The following ZNF385D variants were observed in gnomAD, a reference collection of about 807,000 sequenced individuals.
ZNF385D encodes the protein zinc finger protein 385D, also known as zinc finger protein 659.
In ZNF385D, 15 loss-of-function variants were observed where a neutral mutation model predicts 35.8. The ratio of observed to expected loss-of-function variants is 0.42; its 90% confidence interval spans 0.28 to 0.64. The LOEUF (loss-of-function observed/expected upper bound fraction) is 0.64. Among genes scored for constraint, ZNF385D ranks in the 30% least tolerant of loss-of-function variants. ZNF385D has a pLI of 0.23. For missense variants in ZNF385D, 474 were observed against 494.6 expected, an observed-to-expected ratio of 0.96 and a Z score of 0.39; for synonymous variants, 212 against 186.8, an observed-to-expected ratio of 1.13 and a Z score of -1.10.
intron 2 of ZNF385D, among the ~76,000 whole-genome samples, chr3:22,312,522 C>A (rs1284797821): frequency 6.6e-6 from 1 of 151,828 alleles, no homozygotes; most frequent in Non-Finnish European, 1.5e-5. Flanking sequence ...GGGCTAATAT[C>A]CAGAATCTAC....
At chr3:21,599,761 T>TCCTC (rs1426504298) in intron 2 of ZNF385D, among the ~76,000 whole-genome samples, 1 of 152,156 alleles carries the variant, frequency 6.6e-6, no homozygotes, top group South Asian at 2.1e-4. Context: ...GACCCTTCCT[T>TCCTC]CCTCCCTCCC....
chr3:21,751,439 G>A, upstream of ZNF385D: 1 of 990,386 alleles, frequency 1.0e-6, no homozygotes, highest in Non-Finnish European at 1.2e-6. Flanking sequence ...CCACTGTGCA[G>A]GAGGGACGTG....
chr3:21,425,301 C>G (rs1700968110), intron 6 of ZNF385D, among the ~76,000 whole-genome samples, 191 bp downstream of exon 6: 1 of 151,848 alleles, frequency 6.6e-6, no homozygotes, highest in Non-Finnish European at 1.5e-5. Flanking sequence ...CCTCAAGTAA[C>G]TAAAATAAGT....
chr3:22,279,336 C>G (rs983067973), intron 2 of ZNF385D, among the ~76,000 whole-genome samples: 3 of 151,818 alleles, frequency 2.0e-5, no homozygotes, highest in African/African-American at 7.3e-5. Flanking sequence ...TTAGCTTCTA[C>G]TTATGAGTAA....
intron 3 of ZNF385D, among the ~76,000 whole-genome samples, chr3:21,984,846 C>T (rs1168992932): frequency 2.3e-5 from 3 of 129,742 alleles, no homozygotes; most frequent in Non-Finnish European, 3.4e-5. Context: ...TTTCCTTGAG[C>T]AGTGGTTTGT....
At chr3:21,492,971 A>C (rs1705548039) in intron 4 of ZNF385D, among the ~76,000 whole-genome samples, 1 of 151,996 alleles carries the variant, frequency 6.6e-6, no homozygotes, top group African/African-American at 2.4e-5. Context: ...GCATTATATC[A>C]TTATTCCAGT....
At chr3:21,456,432 T>C (rs55941003) in intron 4 of ZNF385D, among the ~76,000 whole-genome samples, 42,092 of 152,058 alleles carry the variant, frequency 0.28, 6,459 homozygotes, top group East Asian at 0.42. Context: ...TCATGTCCTT[T>C]GTAGGGACAT....
chr3:22,248,190 T>C (rs1023120338), intron 2 of ZNF385D, among the ~76,000 whole-genome samples: 18 of 152,148 alleles, frequency 1.2e-4, no homozygotes, highest in African/African-American at 4.3e-4. Context: ...CTGTCAACCA[T>C]TCACTTTGCT....
chr3:21,884,246 T>C (rs1424698713), intron 3 of ZNF385D, among the ~76,000 whole-genome samples: 3 of 152,070 alleles, frequency 2.0e-5, no homozygotes, highest in African/African-American at 4.8e-5. Flanking sequence ...ACCCAGAATG[T>C]TGTTAAACTG....
intron 2 of ZNF385D, among the ~76,000 whole-genome samples, chr3:22,263,014 C>T (rs1360833050): frequency 1.3e-5 from 2 of 151,978 alleles, no homozygotes; most frequent in African/African-American, 4.8e-5. Flanking sequence ...AATGACATCT[C>T]TTAATCTAAC....
chr3:21,979,114 A>G (rs1322790739), intron 3 of ZNF385D, among the ~76,000 whole-genome samples: 1 of 152,066 alleles, frequency 6.6e-6, no homozygotes, highest in Non-Finnish European at 1.5e-5. Context: ...TTCAATGGTG[A>G]CCCTGACCAA....
intron 2 of ZNF385D, among the ~76,000 whole-genome samples, chr3:22,333,350 T>G (rs1006918728): frequency 1.1e-4 from 16 of 152,210 alleles, no homozygotes; most frequent in African/African-American, 3.6e-4. Context: ...CCATCATTAT[T>G]TCTTCACACA....
intron 1 of ZNF385D, among the ~76,000 whole-genome samples, chr3:21,701,647 G>C (rs2067687459): frequency 6.6e-6 from 1 of 152,106 alleles, no homozygotes; most frequent in South Asian, 2.1e-4. Flanking sequence ...CTGAGACAAA[G>C]CAAGTGCCTT....
chr3:21,908,179 T>C (rs943145047), intron 3 of ZNF385D, among the ~76,000 whole-genome samples: 7 of 151,614 alleles, frequency 4.6e-5, no homozygotes, highest in African/African-American at 1.5e-4. Flanking sequence ...TCTATATATG[T>C]ATAAAGGATT....
intron 3 of ZNF385D, among the ~76,000 whole-genome samples, chr3:22,163,704 T>C (rs545387992): frequency 6.6e-6 from 1 of 152,332 alleles, no homozygotes; most frequent in African/African-American, 2.4e-5. Flanking sequence ...AAGTACCTGT[T>C]TGGATAAATT....
chr3:21,636,870 ATG>A (rs1371720613), intron 2 of ZNF385D, among the ~76,000 whole-genome samples: 1 of 151,432 alleles, frequency 6.6e-6, no homozygotes, highest in Non-Finnish European at 1.5e-5. Flanking sequence ...AGCTTTTTTT[ATG>A]TGTTTTTTGG....
chr3:21,715,549 G>T (rs2068283871), intron 1 of ZNF385D, among the ~76,000 whole-genome samples: 1 of 152,064 alleles, frequency 6.6e-6, no homozygotes, highest in Non-Finnish European at 1.5e-5. Context: ...GAATAGTGCT[G>T]CAAGAAACAT....
chr3:21,748,757 C>T (rs62236194), intron 1 of ZNF385D, among the ~76,000 whole-genome samples: 28,421 of 152,142 alleles, frequency 0.19, 3,166 homozygotes, highest in Non-Finnish European at 0.24. Context: ...ATTTTGAACA[C>T]GCACACACAT....
At chr3:21,984,239 C>G (rs1694678474) in intron 3 of ZNF385D, among the ~76,000 whole-genome samples, 1 of 147,454 alleles carries the variant, frequency 6.8e-6, no homozygotes. Flanking sequence ...AAGTCCTTGG[C>G]CACGCCTATG....
Sources: gnomAD v4.1 joint callset for allele counts (sites outside exome capture counted in the v4.1 genomes callset) on GRCh38, gnomAD v4.1.1 for gene constraint, MANE v1.5 for transcripts, NCBI Gene and HGNC (gene_info 2026-07-23, HGNC 2026-07-21) for gene names.